The following RAB15 variants were observed in gnomAD, a reference collection of about 807,000 sequenced individuals.
The protein encoded by RAB15 is RAB15, member RAS oncogene family, also known as ras-related protein Rab-15.
RAB15 carries 13 observed loss-of-function variants against 31.8 expected under a neutral mutation model. That is an observed-to-expected ratio of 0.41 (90% CI 0.27 to 0.65). RAB15 has a LOEUF of 0.65. Among genes scored for constraint, RAB15 ranks in the 30% least tolerant of loss-of-function variants. The pLI is 0.32. For synonymous variants in RAB15, 100 were observed against 105.6 expected (o/e 0.95, Z 0.33); for missense variants, 220 against 277.3 (o/e 0.79, Z 1.47).
At position 64,955,098 on chromosome 14, in the gene RAB15, A is replaced by C. The variant is rs1886469354; in HGVS notation, c.125-2527T>G. Among the ~76,000 whole-genome samples, 1 of 151,874 alleles carries C rather than the reference A, an allele frequency of 6.6e-6. No homozygotes were observed. Among genetic ancestry groups the C allele is most frequent in the Non-Finnish European group, 1.5e-5 (1 of 67,974 alleles). On this transcript the variant is annotated intron_variant, in intron 1 of 6. Coordinates refer to ENST00000533601, the MANE Select transcript of RAB15 (RefSeq NM_001308154.2). The surrounding 1 kb of genome is among the most constrained non-coding windows in gnomAD (Gnocchi z 4.4). The stretch of plus-strand genomic sequence containing the variant: ...CGCAGCACTCCCCGGCCTCACACAC[A>C]CCCCACCATCTTGCAACCTAGGTCT...
rs564899971 is a variant in RAB15, at chr14:64,951,770, G to A, written c.186-107C>T. The A allele has an allele frequency of 6.3e-5, 59 of 930,784 alleles. No individual in the cohort carries two copies. In the East Asian group the frequency reaches 1.2e-3, roughly 18 times the overall value. The allele number at this position is 930,784 out of a possible 1,614,324, so 57.7% of individuals were successfully genotyped here. On this transcript the variant is annotated intron_variant, in intron 2 of 6. Coordinates refer to ENST00000533601, the MANE Select transcript of RAB15 (RefSeq NM_001308154.2). This position sits in a 1 kb window ranked among gnomAD's most constrained non-coding sequence, Gnocchi z 7.2. The stretch of plus-strand genomic sequence containing the variant: ...AGGAAAAACTGGGGAGCTAAAGGGT[G>A]AAAAACCAGGGATGCTTGGATCCCC...
chr14:64,972,153 C>CGG lies in RAB15; in HGVS notation c.-78_-77insCC. On this transcript the variant is annotated 5_prime_UTR_variant, in exon 1 of 7. Transcript: ENST00000533601. The surrounding 1 kb of genome is among the most constrained non-coding windows in gnomAD (Gnocchi z 6.3). The stretch of plus-strand genomic sequence containing the variant: ...GCTCCGCCGCTGCCATCGCGGCCCG[C>CGG]GCCCGCCCGGGGACGCTGCGGGCGG... 1 of 1,196,854 alleles carries CGG rather than the reference C, an allele frequency of 8.4e-7. No homozygotes were observed. Among genetic ancestry groups the CGG allele is most frequent in the Non-Finnish European group, 1.0e-6 (1 of 961,604 alleles). The allele number at this position is 1,196,854 out of a possible 1,614,324, so 74.1% of individuals were successfully genotyped here.
chr14:64,972,080 T>G lies in RAB15; in HGVS notation c.-4A>C. The G allele has an allele frequency of 1.3e-6, 2 of 1,599,194 alleles. No individual in the cohort carries two copies. The highest frequency in any genetic ancestry group is 1.4e-5 in the African/African-American group (1 of 73,964). ...GCACATCGTACTGCTTCGCCATGAC[T>G]GGGGCCAGCGGGGCCGGGAACTGCG... On this transcript the variant is annotated 5_prime_UTR_variant, in exon 1 of 7. Coordinates refer to ENST00000533601, the MANE Select transcript of RAB15 (RefSeq NM_001308154.2). The surrounding 1 kb of genome is among the most constrained non-coding windows in gnomAD (Gnocchi z 6.3).
intron 1 of RAB15, among the ~76,000 whole-genome samples, chr14:64,961,326 A>G (rs1886844319): frequency 6.6e-6 from 1 of 152,146 alleles, no homozygotes; most frequent in African/African-American, 2.4e-5. Context: ...TCAAACACCA[A>G]AAAAGACCCC....
At position 64,947,350 on chromosome 14, in the gene RAB15, G is replaced by A. The variant is rs1373302693; in HGVS notation, c.*1004C>T. 1 of 152,706 alleles carries A rather than the reference G, an allele frequency of 6.5e-6. No homozygotes were observed. Among genetic ancestry groups the A allele is most frequent in the Non-Finnish European group, 1.5e-5 (1 of 68,122 alleles). The allele number at this position is 152,706 out of a possible 1,614,324, so 9.5% of individuals were successfully genotyped here. On this transcript the variant is annotated 3_prime_UTR_variant, in exon 7 of 7. Coordinates refer to ENST00000533601, the MANE Select transcript of RAB15 (RefSeq NM_001308154.2). The surrounding 1 kb of genome is among the most constrained non-coding windows in gnomAD (Gnocchi z 5.6). ...TTCATTTCCAAATGCTCCCCTTTGT[G>A]GAGTGCATGGTTGGCCTGACAGTGT...
In RAB15 at chr14:64,952,947, A is replaced by C. The variant is rs1158360301; in HGVS notation, c.125-376T>G. Among the ~76,000 whole-genome samples, 1 of 152,186 alleles carries C rather than the reference A, an allele frequency of 6.6e-6. No homozygotes were observed. The highest frequency in any genetic ancestry group is 1.5e-5 in the Non-Finnish European group (1 of 68,028). On this transcript the variant is annotated intron_variant, in intron 1 of 6. Transcript: ENST00000533601. This position sits in a 1 kb window ranked among gnomAD's most constrained non-coding sequence, Gnocchi z 4.2. ...AGAACGCTGTGTTTATCCTTCCTGAAATTCTAATCTCTAGGAATAGCAACC... is the reference window on the plus strand; with the variant it reads ...AGAACGCTGTGTTTATCCTTCCTGACATTCTAATCTCTAGGAATAGCAACC...
intron 1 of RAB15, among the ~76,000 whole-genome samples, chr14:64,965,139 CT>C (rs1191961645): frequency 6.6e-6 from 1 of 152,076 alleles, no homozygotes; most frequent in African/African-American, 2.4e-5. Flanking sequence ...GTTTTGTTTT[CT>C]TTTCTTTTCT....
Position 64,960,595 on chromosome 14 carries a change from G to T in RAB15, c.125-8024C>A, listed in dbSNP as rs72625650. Reference sequence around the variant, plus strand: ...GTGGGGGTGACAGAGGATTCTCAGAGAATTTTTTTTTTAAGATTGTGAGAT... The same window carrying T: ...GTGGGGGTGACAGAGGATTCTCAGATAATTTTTTTTTTAAGATTGTGAGAT... On this transcript the variant is annotated intron_variant, in intron 1 of 6. Coordinates refer to ENST00000533601, the MANE Select transcript of RAB15 (RefSeq NM_001308154.2). Among the ~76,000 whole-genome samples the T allele has an allele frequency of 0.043, 6,593 of 152,184 alleles. 773 individuals are homozygous for T. In the East Asian group the frequency reaches 0.5, roughly 12 times the overall value.
At chr14:64,966,543 A>G (rs1360122081) in intron 1 of RAB15, among the ~76,000 whole-genome samples, 1 of 151,972 alleles carries the variant, frequency 6.6e-6, no homozygotes, top group Non-Finnish European at 1.5e-5. Context: ...AAATAAATAA[A>G]TAAATAAAAT....
At chr14:64,964,873 C>A (rs931650136) in intron 1 of RAB15, among the ~76,000 whole-genome samples, 3 of 152,142 alleles carry the variant, frequency 2.0e-5, no homozygotes, top group Non-Finnish European at 2.9e-5. Flanking sequence ...CCGCACCCAG[C>A]CATAACCCAC....
At position 64,950,758 on chromosome 14, in the gene RAB15, G is replaced by A; in HGVS notation, c.324+316C>T. The A allele has an allele frequency of 8.3e-6, 5 of 604,218 alleles. No individual in the cohort carries two copies. Among genetic ancestry groups the A allele is most frequent in the South Asian group, 2.0e-5 (1 of 50,060 alleles). The allele number at this position is 604,218 out of a possible 1,614,324, so 37.4% of individuals were successfully genotyped here. A position where few individuals can be genotyped will look rare whatever the true frequency, so the allele number is the denominator to read the frequency against. ...GGCTTCCCAAGGCTCCACAGCTATT[G>A]TGCAGAGCCAGGACTAGATCCCAAT... On this transcript the variant is annotated intron_variant, in intron 4 of 6. Coordinates refer to ENST00000533601, the MANE Select transcript of RAB15 (RefSeq NM_001308154.2). This position sits in a 1 kb window ranked among gnomAD's most constrained non-coding sequence, Gnocchi z 5.6.
At chr14:64,956,666 G>A (rs372005061) in intron 1 of RAB15, among the ~76,000 whole-genome samples, 4 of 152,236 alleles carry the variant, frequency 2.6e-5, no homozygotes, top group East Asian at 1.9e-4. Context: ...GCAGAGCTTC[G>A]GCTTTAGAAT....
At chr14:64,966,363 G>T (rs990293825) in intron 1 of RAB15, among the ~76,000 whole-genome samples, 7 of 151,762 alleles carry the variant, frequency 4.6e-5, no homozygotes, top group Non-Finnish European at 1.0e-4. Context: ...TTATAGCTAG[G>T]AATAATAATA....
intron 1 of RAB15, among the ~76,000 whole-genome samples, chr14:64,963,165 C>T (rs1364982931): frequency 3.7e-5 from 5 of 134,502 alleles, no homozygotes; most frequent in Non-Finnish European, 7.6e-5. Flanking sequence ...GTCACCCAGG[C>T]TGGAGTACAG....
intron 1 of RAB15, among the ~76,000 whole-genome samples, chr14:64,967,577 C>T (rs977207161): frequency 2.3e-5 from 3 of 132,362 alleles, no homozygotes; most frequent in Admixed American, 2.1e-4. Flanking sequence ...CAGAGTGAAA[C>T]CTAGTCTCAA....
Position 64,952,967 on chromosome 14 carries a change from G to A in RAB15, c.125-396C>T, listed in dbSNP as rs1886341375. ...CCTGAAATTCTAATCTCTAGGAATAGCAACCCACATTATTTGCCTGCTTTC... is the reference window on the plus strand; with the variant it reads ...CCTGAAATTCTAATCTCTAGGAATAACAACCCACATTATTTGCCTGCTTTC... On this transcript the variant is annotated intron_variant, in intron 1 of 6. Coordinates refer to ENST00000533601, the MANE Select transcript of RAB15 (RefSeq NM_001308154.2). The surrounding 1 kb of genome is among the most constrained non-coding windows in gnomAD (Gnocchi z 4.2). Among the ~76,000 whole-genome samples, 1 of 152,180 alleles carries A rather than the reference G, an allele frequency of 6.6e-6. No homozygotes were observed. The highest frequency in any genetic ancestry group is 1.5e-5 in the Non-Finnish European group (1 of 68,024).
rs1356111274 is a variant in RAB15 at position 64,951,569 on chromosome 14, T to G, written c.246+34A>C. Reference sequence around the variant, plus strand: ...CAGAGCTGGGAGTGTGGGTGGCAGCTTCCCACTTTGAAACCCCCAATGTGG... The same window carrying G: ...CAGAGCTGGGAGTGTGGGTGGCAGCGTCCCACTTTGAAACCCCCAATGTGG... On this transcript the variant is annotated intron_variant, in intron 3 of 6. Coordinates refer to ENST00000533601, the MANE Select transcript of RAB15 (RefSeq NM_001308154.2). This position sits in a 1 kb window ranked among gnomAD's most constrained non-coding sequence, Gnocchi z 7.2. The G allele has an allele frequency of 1.3e-6, 2 of 1,598,308 alleles. No individual in the cohort carries two copies. Among genetic ancestry groups the G allele is most frequent in the East Asian group, 4.5e-5 (2 of 44,792 alleles).
chr14:64,954,703 G>A lies in RAB15; in HGVS notation c.125-2132C>T, dbSNP rs1594939235. ...AGCCAGGGTCAGCACAGCACGTGCA[G>A]AGATTCCAACACAGGTCCATCTATG... is the stretch of plus-strand genomic sequence containing the variant. On this transcript the variant is annotated intron_variant, in intron 1 of 6. Transcript: ENST00000533601. The surrounding 1 kb of genome is among the most constrained non-coding windows in gnomAD (Gnocchi z 4.3). Among the ~76,000 whole-genome samples, 1 of 152,338 alleles carries A rather than the reference G, an allele frequency of 6.6e-6. No individual in the cohort carries two copies. Among genetic ancestry groups the A allele is most frequent in the African/African-American group, 2.4e-5 (1 of 41,592 alleles).
intron 1 of RAB15, among the ~76,000 whole-genome samples, chr14:64,965,339 A>G (rs1321317716): frequency 1.3e-5 from 2 of 152,032 alleles, no homozygotes; most frequent in African/African-American, 4.8e-5. Context: ...CATGCTTGTA[A>G]TCCCAGCTAC....
Sources: allele counts gnomAD v4.1 joint callset (sites outside exome capture counted in the v4.1 genomes callset), GRCh38; gene constraint gnomAD v4.1.1; non-coding constraint Gnocchi (gnomAD v3.1); transcripts MANE v1.5; gene names NCBI Gene and HGNC (gene_info 2026-07-23, HGNC 2026-07-21).